CYTIP: variants seen among roughly 807,000 people sequenced by gnomAD.
CYTIP encodes the protein cytohesin-interacting protein.
Under a neutral mutation model 43.8 loss-of-function variants are expected in CYTIP, and 26 were observed. That is an observed-to-expected ratio of 0.59 (90% CI 0.44 to 0.82). The LOEUF is 0.82. Ranked by LOEUF, CYTIP falls within the 40% of genes least tolerant of loss-of-function variation. The probability of loss-of-function intolerance (pLI) is 0.00; values close to 1 mark genes in which losing one functional copy is unlikely to be tolerated. For missense variants in CYTIP, 426 were observed against 443.1 expected, an observed-to-expected ratio of 0.96 and a Z score of 0.35; for synonymous variants, 162 against 162.9, an observed-to-expected ratio of 0.99 and a Z score of 0.04.
At chr2:157,425,157 T>C (rs922010826) in intron 6 of CYTIP, among the ~76,000 whole-genome samples, 3 of 152,084 alleles carry the variant, frequency 2.0e-5, no homozygotes, top group Non-Finnish European at 4.4e-5. Context: ...GACAAAAATA[T>C]TAAAGGAGTA....
At chr2:157,439,723 A>G (rs548260805) in intron 1 of CYTIP, among the ~76,000 whole-genome samples, 12 of 152,360 alleles carry the variant, frequency 7.9e-5, no homozygotes, top group African/African-American at 1.7e-4. Flanking sequence ...TACACATTCA[A>G]TTATGACTGC....
At chr2:157,424,637 C>T (rs1685575824) in intron 6 of CYTIP, among the ~76,000 whole-genome samples, 1 of 152,074 alleles carries the variant, frequency 6.6e-6, no homozygotes, top group African/African-American at 2.4e-5. Flanking sequence ...CTATAGTAAG[C>T]TATGATCACG....
At chr2:157,417,400 T>A (rs1685454123) in intron 7 of CYTIP, among the ~76,000 whole-genome samples, 1 of 152,174 alleles carries the variant, frequency 6.6e-6, no homozygotes, top group Non-Finnish European at 1.5e-5. Context: ...TTTATGAGGA[T>A]CCTGACCTAA....
intron 6 of CYTIP, among the ~76,000 whole-genome samples, chr2:157,419,448 G>C (rs1373739968): frequency 2.0e-5 from 3 of 152,206 alleles, no homozygotes; most frequent in Non-Finnish European, 4.4e-5. Context: ...CCCACAGTGG[G>C]AATTAAGTAG....
rs1214076041 is a variant in CYTIP, at chr2:157,434,849, TCACA to T, written c.175-106_175-103del. The T allele has an allele frequency of 6.8e-3, 332 of 48,594 alleles. 3 individuals are homozygous for T. Among genetic ancestry groups the T allele is most frequent in the African/African-American group, 0.026 (282 of 10,736 alleles). The allele number at this position is 48,594 out of a possible 1,614,324, so 3.0% of individuals were successfully genotyped here. A position where few individuals can be genotyped will look rare whatever the true frequency, so the allele number is the denominator to read the frequency against. ...CTCTCTCTCTCTCTCTCTCTCTCTC[TCACA>T]CACACACACACACACACACACACAC... On this transcript the variant is annotated intron_variant, in intron 1 of 7. Transcript: ENST00000264192.
chr2:157,432,526 C>T (rs1374469035), intron 3 of CYTIP, among the ~76,000 whole-genome samples: 1 of 152,070 alleles, frequency 6.6e-6, no homozygotes, highest in Non-Finnish European at 1.5e-5. Flanking sequence ...AGGTACATTG[C>T]ATGTATTATT....
intron 1 of CYTIP, among the ~76,000 whole-genome samples, chr2:157,439,926 G>A (rs999275584): frequency 6.6e-6 from 1 of 152,192 alleles, no homozygotes; most frequent in Non-Finnish European, 1.5e-5. Context: ...AAATACTTCA[G>A]CTGTCAATTT....
At chr2:157,423,974 T>C (rs1284573564) in intron 6 of CYTIP, among the ~76,000 whole-genome samples, 1 of 152,164 alleles carries the variant, frequency 6.6e-6, no homozygotes, top group African/African-American at 2.4e-5. Flanking sequence ...CCAGCAAACT[T>C]CGTATAGAAG....
intron 6 of CYTIP, among the ~76,000 whole-genome samples, chr2:157,419,351 T>C (rs183344073): frequency 1.3e-5 from 2 of 152,328 alleles, no homozygotes; most frequent in Non-Finnish European, 2.9e-5. Flanking sequence ...AAATGCTTCC[T>C]TAGCGGGCTA....
Position 157,430,940 on chromosome 2 carries a change from T to A in CYTIP, c.302A>T (p.Asn101Ile). Reference protein sequence around the residue: ...EIQSYRPQNQNACSSEMFTLI... With the variant: ...EIQSYRPQNQIACSSEMFTLI... ...AGTGAACATTTCCGAGGAGCAGGCA[T>A]TCTGATTCTGGGGCCTGTAAGACTG... Residue 101 changes from asparagine (N) to isoleucine (I), a missense_variant, in exon 4 of 8, where the codon AAT becomes ATT. Transcript: ENST00000264192. 6.2e-7 allele frequency: 1 copy of A among 1,613,720 alleles called. No homozygotes were observed. The highest frequency in any genetic ancestry group is 1.6e-4 in the Middle Eastern group (1 of 6,062).
intron 6 of CYTIP, among the ~76,000 whole-genome samples, chr2:157,421,995 C>T (rs775992788): frequency 2.4e-4 from 37 of 152,102 alleles, no homozygotes; most frequent in African/African-American, 6.8e-4. Context: ...ACAGGTTTTC[C>T]GCTTAAGAAA....
At chr2:157,429,864 A>C (rs1573858565) in intron 5 of CYTIP, among the ~76,000 whole-genome samples, 2 of 152,120 alleles carry the variant, frequency 1.3e-5, no homozygotes, top group Admixed American at 1.3e-4. Context: ...TCTACTAAAA[A>C]TACAAAAAAT....
chr2:157,417,938 A>G (rs766647481), intron 7 of CYTIP, among the ~76,000 whole-genome samples: 3 of 152,220 alleles, frequency 2.0e-5, no homozygotes, highest in African/African-American at 7.2e-5. Flanking sequence ...TCTATCATAC[A>G]ACAAATAGCG....
chr2:157,428,280 A>G (rs1685645004), intron 5 of CYTIP, among the ~76,000 whole-genome samples: 1 of 152,220 alleles, frequency 6.6e-6, no homozygotes, highest in Non-Finnish European at 1.5e-5. Flanking sequence ...CCTTCTTGTA[A>G]TTAAGCTGTA....
At chr2:157,437,739 A>G (rs1160499747) in intron 1 of CYTIP, among the ~76,000 whole-genome samples, 1 of 152,008 alleles carries the variant, frequency 6.6e-6, no homozygotes, top group Non-Finnish European at 1.5e-5. Flanking sequence ...AAGAAAAAGA[A>G]GACATACAAA....
Position 157,430,678 on chromosome 2 carries a change from G to A in CYTIP, c.383-26C>T, listed in dbSNP as rs779402557. On this transcript the variant is annotated intron_variant, in intron 4 of 7. Coordinates refer to ENST00000264192, the MANE Select transcript of CYTIP (RefSeq NM_004288.5). ...CTGGGAGATGCCAAGAAAAATGAGT[G>A]TTATGTTGGTTAGTTAAATAATCCC... The A allele has an allele frequency of 1.3e-5, 21 of 1,594,726 alleles. 1 individual carries two copies. In the Admixed American group the frequency reaches 3.0e-4, roughly 23 times the overall value.
chr2:157,419,765 G>A (rs1345410759), intron 6 of CYTIP, among the ~76,000 whole-genome samples: 2 of 152,120 alleles, frequency 1.3e-5, no homozygotes, highest in Non-Finnish European at 2.9e-5. Flanking sequence ...GGCTAAAAAG[G>A]AAGAGGCAAA....
intron 1 of CYTIP, among the ~76,000 whole-genome samples, chr2:157,435,575 G>T (rs1360944145): frequency 6.6e-6 from 1 of 152,120 alleles, no homozygotes; most frequent in Non-Finnish European, 1.5e-5. Flanking sequence ...ATCAACAAAA[G>T]GTGACAACTT....
At chr2:157,432,895 G>T (rs1005009077) in intron 3 of CYTIP, among the ~76,000 whole-genome samples, 2 of 152,166 alleles carry the variant, frequency 1.3e-5, no homozygotes, top group Admixed American at 1.3e-4. Flanking sequence ...GAATTTACAG[G>T]AGTGTGGGTT....
Sources: allele counts gnomAD v4.1 joint callset (sites outside exome capture counted in the v4.1 genomes callset), GRCh38; gene constraint gnomAD v4.1.1; transcripts MANE v1.5; gene names NCBI Gene and HGNC (gene_info 2026-07-23, HGNC 2026-07-21).